Variants in FOXN3 observed in about 807,000 individuals in gnomAD.
The protein encoded by FOXN3 is forkhead box protein N3.
Under a neutral mutation model 38.4 loss-of-function variants are expected in FOXN3, and 7 were observed. The ratio of observed to expected loss-of-function variants is 0.18; its 90% CI spans 0.10 to 0.34. The LOEUF (loss-of-function observed/expected upper bound fraction) is 0.34, where lower values mean the gene tolerates loss of function less well. Ranked by LOEUF, FOXN3 falls within the 10% of genes least tolerant of loss-of-function variation. The pLI, the probability that FOXN3 is intolerant of heterozygous loss-of-function variation, is 1.00. For synonymous variants in FOXN3, 230 were observed against 242.2 expected (o/e 0.95, Z 0.47); for missense variants, 456 against 613.4 (o/e 0.74, Z 2.71).
intron 2 of FOXN3, among the ~76,000 whole-genome samples, chr14:89,363,966 A>ATATATATATATATATATATATAT (rs1566968935): frequency 1.3e-4 from 6 of 46,196 alleles, no homozygotes; most frequent in Non-Finnish European, 2.6e-4. Context: ...ATATATATAT[A>ATATATATATATATATATATATAT]TATATATATA....
intron 1 of FOXN3, among the ~76,000 whole-genome samples, chr14:89,516,885 A>G (rs1409076806): frequency 6.6e-6 from 1 of 152,088 alleles, no homozygotes; most frequent in African/African-American, 2.4e-5. Flanking sequence ...AAAAGCGGAC[A>G]TTCCATGGAA....
intron 1 of FOXN3, among the ~76,000 whole-genome samples, chr14:89,569,727 G>C (rs1895451372): frequency 6.6e-6 from 1 of 152,190 alleles, no homozygotes; most frequent in African/African-American, 2.4e-5. Flanking sequence ...ACCAGAGTGA[G>C]AGGAGTCATC....
chr14:89,320,953 T>C (rs186382444), intron 3 of FOXN3, among the ~76,000 whole-genome samples: 61 of 152,166 alleles, frequency 4.0e-4, no homozygotes, highest in Non-Finnish European at 6.8e-4. Context: ...TGCGGGGAGT[T>C]GGGGTCAAGG....
chr14:89,450,185 G>A (rs1892587246), intron 1 of FOXN3, among the ~76,000 whole-genome samples: 1 of 152,188 alleles, frequency 6.6e-6, no homozygotes, highest in Non-Finnish European at 1.5e-5. Flanking sequence ...TTGCAAGTCT[G>A]CCTTAGAGCT....
At chr14:89,238,842 T>C (rs1375049019) in intron 4 of FOXN3, among the ~76,000 whole-genome samples, 1 of 151,758 alleles carries the variant, frequency 6.6e-6, no homozygotes, top group Non-Finnish European at 1.5e-5. Flanking sequence ...ATGTATCCAT[T>C]TCTAAATGGT....
At chr14:89,409,523 T>G (rs1008015379) in intron 2 of FOXN3, 19 of 152,234 alleles carry the variant, frequency 1.2e-4, no homozygotes, top group African/African-American at 4.6e-4. Flanking sequence ...GCTAAATTAC[T>G]TCTATGTGCA....
chr14:89,266,028 G>A (rs1364593723), intron 4 of FOXN3, among the ~76,000 whole-genome samples: 1 of 152,156 alleles, frequency 6.6e-6, no homozygotes, highest in Non-Finnish European at 1.5e-5. Flanking sequence ...AGCCAACCTT[G>A]GGATCTTCCC....
intron 2 of FOXN3, chr14:89,409,501 G>C (rs988022997): frequency 1.3e-5 from 2 of 152,254 alleles, no homozygotes; most frequent in Non-Finnish European, 2.9e-5. Flanking sequence ...TAACATTTCA[G>C]AGTGTGCATT....
At position 89,374,263 on chromosome 14, in the gene FOXN3, C is replaced by CAAAA. The variant is rs35623770; in HGVS notation, c.544-23459_544-23456dup. Among the ~76,000 whole-genome samples the CAAAA allele has an allele frequency of 7.8e-3, 377 of 48,128 alleles. 41 individuals carry two copies. The highest frequency in any genetic ancestry group is 0.024 in the African/African-American group (295 of 12,492). 31.6% of individuals were successfully genotyped at this position (48,128 alleles called of 152,430 possible). On this transcript the variant is annotated intron_variant, in intron 2 of 5. Transcript: ENST00000557258. ...AGGGCAACAGAGTGAGACCTTGTCT[C>CAAAA]AAAAAAAAAAAAAAAAAAAAAAAAA... is the stretch of plus-strand genomic sequence containing the variant.
At chr14:89,606,569 G>T (rs577005242) in intron 1 of FOXN3, among the ~76,000 whole-genome samples, 5 of 152,322 alleles carry the variant, frequency 3.3e-5, no homozygotes, top group African/African-American at 1.2e-4. Flanking sequence ...TAAAACTGTA[G>T]CCGGGCGCAG....
At chr14:89,618,003 A>G (rs539221067) in intron 1 of FOXN3, among the ~76,000 whole-genome samples, 2 of 152,184 alleles carry the variant, frequency 1.3e-5, no homozygotes, top group East Asian at 1.9e-4. Flanking sequence ...TCGGCGATCA[A>G]TGAAAAACAG....
At position 89,561,766 on chromosome 14, in the gene FOXN3, C is replaced by G. The variant is rs533567503; in HGVS notation, c.-15+57262G>C. Among the ~76,000 whole-genome samples, 191 of 152,232 alleles carry G rather than the reference C, an allele frequency of 1.3e-3. 1 individual carries two copies. Among genetic ancestry groups the G allele is most frequent in the African/African-American group, 4.5e-3 (186 of 41,532 alleles). ...TATCAAAATAACATGACTCTTCCTC[C>G]TCTCCCTGTAGCTGTATCTAGGAAG... On this transcript the variant is annotated intron_variant, in intron 1 of 6. Transcript: ENST00000345097.
rs199731269 is a variant in FOXN3, at chr14:89,373,174, G to GA, written c.544-22367dup. ...GAGCGGGACCCTGTCTCAAAAAAAA[G>GA]AAAAAAAACAATTAAATGTAAACCA... On this transcript the variant is annotated intron_variant, in intron 2 of 5. Transcript: ENST00000557258. Among the ~76,000 whole-genome samples the GA allele has an allele frequency of 3.1e-3, 474 of 151,204 alleles. 2 individuals are homozygous for GA. The highest frequency in any genetic ancestry group is 9.4e-3 in the African/African-American group (385 of 41,120).
chr14:89,457,133 C>A (rs1892742905), intron 1 of FOXN3, among the ~76,000 whole-genome samples: 1 of 152,206 alleles, frequency 6.6e-6, no homozygotes. Context: ...GGTTAATAAA[C>A]AACATGGCGA....
intron 5 of FOXN3, among the ~76,000 whole-genome samples, 159 bp downstream of exon 5, chr14:89,180,542 G>A (rs1407867639): frequency 6.6e-6 from 1 of 152,174 alleles, no homozygotes; most frequent in Admixed American, 6.5e-5. Context: ...TGGATTGGGA[G>A]TTCTTGGGGT....
chr14:89,378,466 G>A (rs1287747540), intron 2 of FOXN3, among the ~76,000 whole-genome samples: 1 of 152,194 alleles, frequency 6.6e-6, no homozygotes, highest in African/African-American at 2.4e-5. Context: ...TCTGCCTGCT[G>A]TAAGTGATCT....
intron 1 of FOXN3, among the ~76,000 whole-genome samples, chr14:89,571,510 C>CAA (rs771337347): frequency 0.049 from 3,525 of 71,432 alleles, 129 homozygotes; most frequent in African/African-American, 0.15. Flanking sequence ...CTCTGTCTCA[C>CAA]AAAAAAAAAA....
At chr14:89,339,897 A>C (rs186139488) in intron 3 of FOXN3, among the ~76,000 whole-genome samples, 52 of 152,306 alleles carry the variant, frequency 3.4e-4, no homozygotes, top group East Asian at 2.9e-3. Flanking sequence ...TCTGCTGGGA[A>C]GCTTGAAATG....
intron 1 of FOXN3, among the ~76,000 whole-genome samples, chr14:89,568,093 C>T (rs1357218541): frequency 6.6e-6 from 1 of 151,988 alleles, no homozygotes; most frequent in Non-Finnish European, 1.5e-5. Context: ...CCTATCCTCT[C>T]GCTGCCCCCC....
Sources: gnomAD v4.1 joint callset for allele counts (sites outside exome capture counted in the v4.1 genomes callset) on GRCh38, gnomAD v4.1.1 for gene constraint, MANE v1.5 for transcripts, NCBI Gene and HGNC (gene_info 2026-07-23, HGNC 2026-07-21) for gene names.